The following TANC2 variants were observed in gnomAD, a reference collection of about 807,000 sequenced individuals.
The protein encoded by TANC2 is protein TANC2.
In TANC2, 26 loss-of-function variants were observed where a neutral mutation model predicts 210.5. That is an observed-to-expected ratio of 0.12 (90% CI 0.09 to 0.17). The LOEUF (loss-of-function observed/expected upper bound fraction) is 0.17. Ranked by LOEUF, TANC2 falls within the 10% of genes least tolerant of loss-of-function variation. The pLI is 1.00. For missense variants in TANC2, 2,129 were observed against 2,608.9 expected, an observed-to-expected ratio of 0.82 and a Z score of 4.01; for synonymous variants, 931 against 967.1, an observed-to-expected ratio of 0.96 and a Z score of 0.69.
At chr17:63,236,017 G>A (rs1474715032) in intron 7 of TANC2, among the ~76,000 whole-genome samples, 1 of 151,930 alleles carries the variant, frequency 6.6e-6, no homozygotes, top group Non-Finnish European at 1.5e-5. Context: ...TGTACAAGTA[G>A]GGCCTGTTAT....
chr17:63,014,112 ATTT>A (rs772259509), intron 2 of TANC2, among the ~76,000 whole-genome samples: 1 of 150,518 alleles, frequency 6.6e-6, no homozygotes, highest in African/African-American at 2.4e-5. Flanking sequence ...AAATTCACTG[ATTT>A]TTTTCTTTTG....
rs879331650 is a variant in TANC2, at chr17:63,141,568, GA to G, written c.323-9690del. ...GTGACAGAGCGAGACTCTGTCTCAA[GA>G]AAAAAAAAAAAGTATTTTTATTTGT... is the stretch of plus-strand genomic sequence containing the variant. On this transcript the variant is annotated intron_variant, in intron 4 of 27. Coordinates refer to ENST00000689528, the Ensembl canonical transcript of TANC2. 5.2e-3 allele frequency among the ~76,000 whole-genome samples: 731 copies of G among 140,324 alleles called. 6 individuals carry two copies. Among genetic ancestry groups the G allele is most frequent in the African/African-American group, 0.016 (610 of 38,528 alleles). The allele number at this position is 140,324 out of a possible 152,430, so 92.1% of individuals were successfully genotyped here.
chr17:63,121,832 A>G (rs1489092943), intron 4 of TANC2, among the ~76,000 whole-genome samples: 9 of 152,010 alleles, frequency 5.9e-5, no homozygotes, highest in Non-Finnish European at 1.2e-4. Context: ...GTGTGGTGGC[A>G]TACATATGCC....
intron 7 of TANC2, among the ~76,000 whole-genome samples, chr17:63,223,556 G>A (rs1285244137): frequency 6.7e-6 from 1 of 149,138 alleles, no homozygotes; most frequent in Non-Finnish European, 1.5e-5. Context: ...AGCTATATCT[G>A]TACCCACTCT....
intron 3 of TANC2, among the ~76,000 whole-genome samples, chr17:63,098,842 T>G (rs935966096): frequency 1.3e-5 from 2 of 148,208 alleles, no homozygotes; most frequent in African/African-American, 5.1e-5. Context: ...GATAAATACC[T>G]TTAATGTGTG....
chr17:63,323,056 G>A (rs1407043582), intron 11 of TANC2, among the ~76,000 whole-genome samples: 1 of 152,234 alleles, frequency 6.6e-6, no homozygotes, highest in African/African-American at 2.4e-5. Flanking sequence ...ACGTGTTACA[G>A]TTCAGCTACA....
intron 3 of TANC2, among the ~76,000 whole-genome samples, chr17:63,081,803 AGC>A (rs972299324): frequency 2.0e-5 from 3 of 152,220 alleles, no homozygotes; most frequent in Admixed American, 1.3e-4. Flanking sequence ...TAACACTAGA[AGC>A]CTTGTAGAAG....
rs903171214 is a variant in TANC2, at chr17:63,328,370, G to A, written c.1575+9280G>A. ...GAATTTTAAAACATGGTATGTGTATGTGTATATGTGTGTGTGTGTGTGTGT... is the reference window on the plus strand; with the variant it reads ...GAATTTTAAAACATGGTATGTGTATATGTATATGTGTGTGTGTGTGTGTGT... On this transcript the variant is annotated intron_variant, in intron 11 of 27. Coordinates refer to ENST00000689528, the Ensembl canonical transcript of TANC2. Among the ~76,000 whole-genome samples, 48 of 125,188 alleles carry A rather than the reference G, an allele frequency of 3.8e-4. 1 individual carries two copies. The highest frequency in any genetic ancestry group is 6.0e-4 in the Admixed American group (8 of 13,372). 82.1% of individuals were successfully genotyped at this position (125,188 alleles called of 152,430 possible).
intron 14 of TANC2, among the ~76,000 whole-genome samples, chr17:63,376,814 C>CTTT (rs771564600): frequency 5.6e-4 from 70 of 125,958 alleles, no homozygotes; most frequent in African/African-American, 1.9e-3. Context: ...CCACTGTACT[C>CTTT]TTTTTTTTTT....
At chr17:63,337,628 T>G in intron 11 of TANC2, among the ~76,000 whole-genome samples, 1 of 143,722 alleles carries the variant, frequency 7.0e-6, no homozygotes, top group Non-Finnish European at 1.5e-5. Context: ...TTTTTTTAAA[T>G]TTTATTTTAA....
intron 7 of TANC2, among the ~76,000 whole-genome samples, chr17:63,229,287 C>A (rs141947028): frequency 1.3e-4 from 20 of 151,908 alleles, no homozygotes; most frequent in Admixed American, 1.2e-3. Flanking sequence ...CCAACTTGAT[C>A]GTAGCTAAGT....
chr17:62,991,703 A>G (rs2032878890), intron 1 of TANC2, among the ~76,000 whole-genome samples: 1 of 152,140 alleles, frequency 6.6e-6, no homozygotes, highest in African/African-American at 2.4e-5. Context: ...TAAATATAGT[A>G]TAAGTATTTA....
chr17:63,177,183 A>G (rs1287132618), intron 5 of TANC2, among the ~76,000 whole-genome samples: 3 of 149,912 alleles, frequency 2.0e-5, no homozygotes, highest in African/African-American at 7.4e-5. Flanking sequence ...GAGAATCGCT[A>G]GAACCCAGGA....
At position 63,235,950 on chromosome 17, in the gene TANC2, C is replaced by A. The variant is rs1225833977; in HGVS notation, c.770-1864C>A. Among the ~76,000 whole-genome samples the A allele has an allele frequency of 3.3e-5, 5 of 151,782 alleles. No homozygotes were observed. The East Asian group carries it at 7.7e-4, about 23-fold the overall frequency. On this transcript the variant is annotated intron_variant, in intron 7 of 27. Coordinates refer to ENST00000689528, the Ensembl canonical transcript of TANC2. ...GTAAGACTATATAAAATTCAAGAGA[C>A]CTTTCAGTTTATTTTATTAAGGTAC...
chr17:63,004,669 C>G (rs555760822), intron 1 of TANC2: 8 of 278,518 alleles, frequency 2.9e-5, no homozygotes, highest in Non-Finnish European at 4.2e-5. Context: ...TCAAACCGTA[C>G]AGTCACCAGA....
intron 8 of TANC2, among the ~76,000 whole-genome samples, chr17:63,263,366 C>T (rs1467797542): frequency 1.3e-5 from 2 of 152,132 alleles, no homozygotes; most frequent in Non-Finnish European, 2.9e-5. Context: ...AGACAGGACA[C>T]ATCCTGGCAA....
chr17:63,219,947 G>A (rs1255617403), intron 7 of TANC2, among the ~76,000 whole-genome samples: 1 of 152,108 alleles, frequency 6.6e-6, no homozygotes, highest in African/African-American at 2.4e-5. Context: ...TAAAACTGCA[G>A]AATTCAAAAC....
chr17:63,236,287 G>T (rs2042617445), intron 7 of TANC2, among the ~76,000 whole-genome samples: 1 of 151,982 alleles, frequency 6.6e-6, no homozygotes, highest in Non-Finnish European at 1.5e-5. Context: ...CTCTAGGACT[G>T]ATACATGAAT....
Position 63,147,114 on chromosome 17 carries a change from T to C in TANC2, c.323-4156T>C, listed in dbSNP as rs1465130127. Reference sequence around the variant, plus strand: ...TGGGAGCCTGAGGCAGGCAAATCTTTTGAGTCCAAGGAGTTCCAGACCAGC... The same window carrying C: ...TGGGAGCCTGAGGCAGGCAAATCTTCTGAGTCCAAGGAGTTCCAGACCAGC... On this transcript the variant is annotated intron_variant, in intron 4 of 27. Coordinates refer to ENST00000689528, the Ensembl canonical transcript of TANC2. 2.6e-5 allele frequency among the ~76,000 whole-genome samples: 4 copies of C among 152,014 alleles called. No individual in the cohort carries two copies. In the East Asian group the frequency reaches 7.7e-4, roughly 29 times the overall value.
Sources: gnomAD v4.1 joint callset for allele counts (sites outside exome capture counted in the v4.1 genomes callset) on GRCh38, gnomAD v4.1.1 for gene constraint, MANE v1.5 for transcripts, NCBI Gene and HGNC (gene_info 2026-07-23, HGNC 2026-07-21) for gene names.